The following ZNF106 variants were observed in gnomAD, a reference collection of about 807,000 sequenced individuals.
ZNF106 encodes zinc finger protein 106, also known as SH3-domain binding protein 3.
A neutral mutation model predicts 195.1 loss-of-function variants in ZNF106; 67 were observed. The ratio of observed to expected loss-of-function variants is 0.34; its 90% CI spans 0.28 to 0.42. ZNF106 has a LOEUF of 0.42. ZNF106 is among the 10% of genes least tolerant of loss of function. The pLI is 1.00. For missense variants in ZNF106, 2,118 were observed against 2,304.5 expected (o/e 0.92, Z 1.66); for synonymous variants, 784 against 818.6 (o/e 0.96, Z 0.72).
At position 42,439,113 on chromosome 15, in the gene ZNF106, T is replaced by C; in HGVS notation, c.4464A>G (p.Leu1488=). 1.2e-6 allele frequency: 2 copies of C among 1,614,200 alleles called. No individual in the cohort carries two copies. Among genetic ancestry groups the C allele is most frequent in the Non-Finnish European group, 1.7e-6 (2 of 1,180,032 alleles). ...DIWNSTEQNP[L]ETSRSGCDEV... ...CATCACACCCAGAACGAGACGTTTC[T>C]AGTGGGTTTTGCTCTGTAGAGTTCC... Residue 1488 remains leucine, a synonymous_variant, in exon 11 of 22, where the codon CTA becomes CTG. Transcript: ENST00000564754.
At chr15:42,421,037 G>A in intron 20 of ZNF106, 24 bp downstream of exon 20, 1 of 1,611,010 alleles carries the variant, frequency 6.2e-7, no homozygotes, top group Non-Finnish European at 8.5e-7. Context: ...GAAGTCCAGT[G>A]ACAGGAAGAG....
chr15:42,463,399 A>G (rs992366802), intron 3 of ZNF106, among the ~76,000 whole-genome samples: 3 of 152,176 alleles, frequency 2.0e-5, no homozygotes, highest in African/African-American at 7.2e-5. Context: ...TCAAGGTATT[A>G]TGATAAGGGC....
intron 3 of ZNF106, among the ~76,000 whole-genome samples, chr15:42,461,584 G>A (rs1439084978): frequency 6.6e-6 from 1 of 152,194 alleles, no homozygotes; most frequent in East Asian, 1.9e-4. Flanking sequence ...CACATCTGAA[G>A]AAGTATATTA....
Position 42,448,055 on chromosome 15 carries a change from G to A in ZNF106, c.3135+17C>T, listed in dbSNP as rs1420853790. The A allele has an allele frequency of 6.3e-7, 1 of 1,579,082 alleles. No homozygotes were observed. The highest frequency in any genetic ancestry group is 1.4e-5 in the African/African-American group (1 of 73,568). On this transcript the variant is annotated intron_variant, in intron 6 of 21. Transcript: ENST00000564754. Reference sequence around the variant, plus strand: ...CACATGCGATGTTCTACAAAAAGCAGAGGGAATTATACTCACTCCAGTGGC... The same window carrying A: ...CACATGCGATGTTCTACAAAAAGCAAAGGGAATTATACTCACTCCAGTGGC...
Position 42,421,057 on chromosome 15 carries a change from T to C in ZNF106, c.5517+4A>G. The C allele has an allele frequency of 6.2e-7, 1 of 1,614,058 alleles. No homozygotes were observed. The highest frequency in any genetic ancestry group is 8.5e-7 in the Non-Finnish European group (1 of 1,179,938). ...CCAGTGACAGGAAGAGTTTCACTCCTTACCCAACAGCGGTAATTCTGCATC... is the reference window on the plus strand; with the variant it reads ...CCAGTGACAGGAAGAGTTTCACTCCCTACCCAACAGCGGTAATTCTGCATC... On this transcript the variant is annotated splice_donor_region_variant and intron_variant, in intron 20 of 21. Coordinates refer to ENST00000564754, the MANE Select transcript of ZNF106 (RefSeq NM_001366845.3).
chr15:42,429,852 T>C (rs1006984077), intron 14 of ZNF106, among the ~76,000 whole-genome samples: 27 of 152,120 alleles, frequency 1.8e-4, no homozygotes, highest in African/African-American at 6.3e-4. Flanking sequence ...TTTTCAAACA[T>C]TATGGTGAGC....
chr15:42,458,937 AT>A (rs1054886320), intron 3 of ZNF106, among the ~76,000 whole-genome samples: 1 of 151,982 alleles, frequency 6.6e-6, no homozygotes, highest in African/African-American at 2.4e-5. Flanking sequence ...ACTGTTCCTT[AT>A]TTTGTAAGGA....
rs2141362482 is a variant in ZNF106, at chr15:42,451,781, T to C, written c.491A>G (p.Asn164Ser). 1 of 1,614,198 alleles carries C rather than the reference T, an allele frequency of 6.2e-7. No individual in the cohort carries two copies. Among genetic ancestry groups the C allele is most frequent in the East Asian group, 2.2e-5 (1 of 44,886 alleles). Residue 164 changes from asparagine to serine, a missense_variant, in exon 5 of 22, where the codon AAT becomes AGT. Asn to Ser is a conservative substitution (Grantham distance 46). Transcript: ENST00000564754. ...DWKWEKDGFN[N>S]TRKNSFPHSL... The stretch of plus-strand genomic sequence containing the variant: ...ATGTGGAAAGCTGTTTTTCCTAGTA[T>C]TATTAAAGCCATCTTTTTCCCATTT...
In ZNF106 at chr15:42,436,843, T is replaced by C. The variant is rs148692763; in HGVS notation, c.4746+389A>G. 9.2e-3 allele frequency among the ~76,000 whole-genome samples: 1,407 copies of C among 152,278 alleles called. 28 individuals are homozygous for C. Among genetic ancestry groups the C allele is most frequent in the African/African-American group, 0.032 (1,343 of 41,544 alleles). ...AGTGACCCCATTACCAACTCCAGCA[T>C]TGGGACCTGAACAGTCCAAGACCAC... On this transcript the variant is annotated intron_variant, in intron 13 of 21. Coordinates refer to ENST00000564754, the MANE Select transcript of ZNF106 (RefSeq NM_001366845.3).
intron 4 of ZNF106, among the ~76,000 whole-genome samples, chr15:42,456,513 A>G (rs2056231947): frequency 6.6e-6 from 1 of 152,066 alleles, no homozygotes; most frequent in African/African-American, 2.4e-5. Flanking sequence ...TTAGCCAGGC[A>G]TGGTGGCAGG....
chr15:42,444,881 T>C lies in ZNF106; in HGVS notation c.3306A>G (p.Ala1102=), dbSNP rs761661873. Residue 1102 remains alanine, a synonymous_variant, in exon 8 of 22, where the codon GCA becomes GCG. Coordinates refer to ENST00000564754, the MANE Select transcript of ZNF106 (RefSeq NM_001366845.3). ...CTTCCACATAAGCTGTCTGAAGGGCTGCACGGGCTTGCAGAAGATTGTTAT... is the reference window on the plus strand; with the variant it reads ...CTTCCACATAAGCTGTCTGAAGGGCCGCACGGGCTTGCAGAAGATTGTTAT... The part of the protein sequence containing the change: ...CMDNNLLQAR[A]ALQTAYVEVQ... 2 of 1,614,226 alleles carry C rather than the reference T, an allele frequency of 1.2e-6. No homozygotes were observed. Among genetic ancestry groups the C allele is most frequent in the Non-Finnish European group, 1.7e-6 (2 of 1,180,034 alleles).
rs1295177957 is a variant in ZNF106 at position 42,439,731 on chromosome 15, C to T, written c.3846G>A (p.Glu1282=). The T allele has an allele frequency of 1.9e-6, 3 of 1,612,334 alleles. No homozygotes were observed. The highest frequency in any genetic ancestry group is 2.2e-5 in the South Asian group (2 of 90,730). ...SLPESTESFH[E]PSQELKFSVE... is the part of the protein sequence containing the mutation. ...CAGAAAACTTCAGTTCTTGGCTAGG[C>T]TCATGGAAACTTTCTGTTGACTCTG... The change falls in exon 11 of 22, where the codon GAG becomes GAA. Residue 1282 remains glutamate, a synonymous_variant. Coordinates refer to ENST00000564754, the MANE Select transcript of ZNF106 (RefSeq NM_001366845.3).
chr15:42,421,818 A>G (rs1242209392), intron 19 of ZNF106, 99 bp downstream of exon 19: 4 of 913,464 alleles, frequency 4.4e-6, no homozygotes, highest in Non-Finnish European at 6.5e-6. Context: ...GTACTTAACA[A>G]TGAGGCATAT....
intron 1 of ZNF106, among the ~76,000 whole-genome samples, chr15:42,486,474 T>C (rs2141465908): frequency 6.6e-6 from 1 of 152,164 alleles, no homozygotes; most frequent in South Asian, 2.1e-4. Context: ...AAGCCCAGGC[T>C]GATCTTGAAC....
intron 21 of ZNF106, 49 bp from the exon 22 acceptor site, chr15:42,417,409 C>G (rs748384489): frequency 1.9e-6 from 3 of 1,609,198 alleles, no homozygotes; most frequent in African/African-American, 2.7e-5. Context: ...GATAGTAAGA[C>G]AGGAGAAAGT....
chr15:42,418,520 C>T (rs2054536735), intron 20 of ZNF106, among the ~76,000 whole-genome samples: 1 of 143,352 alleles, frequency 7.0e-6, no homozygotes, highest in South Asian at 2.2e-4. Context: ...CGTGCACCAC[C>T]ACGGCCAGTT....
chr15:42,456,891 G>T lies in ZNF106; in HGVS notation c.317+67C>A, dbSNP rs559771942. On this transcript the variant is annotated intron_variant, in intron 4 of 21. Coordinates refer to ENST00000564754, the MANE Select transcript of ZNF106 (RefSeq NM_001366845.3). ...AATGCCATGGGCTGACCAGTACAAAGATATAAAATATATTCTCTGCTGTGT... is the reference window on the plus strand; with the variant it reads ...AATGCCATGGGCTGACCAGTACAAATATATAAAATATATTCTCTGCTGTGT... 1.9e-5 allele frequency: 27 copies of T among 1,440,500 alleles called. No homozygotes were observed. In the East Asian group the frequency reaches 5.7e-4, roughly 30 times the overall value. The allele number at this position is 1,440,500 out of a possible 1,614,324, so 89.2% of individuals were successfully genotyped here.
Position 42,450,099 on chromosome 15 carries a change from C to G in ZNF106, c.2173G>C (p.Glu725Gln), listed in dbSNP as rs761819434. 1.2e-6 allele frequency: 2 copies of G among 1,614,166 alleles called. No homozygotes were observed. Among genetic ancestry groups the G allele is most frequent in the Non-Finnish European group, 1.7e-6 (2 of 1,180,030 alleles). Reference sequence around the variant, plus strand: ...TGACTGATGTCACTTTTTTGAAGCTCTGCATCCAAGCTAGCACTCTCAAAG... The same window carrying G: ...TGACTGATGTCACTTTTTTGAAGCTGTGCATCCAAGCTAGCACTCTCAAAG... ...EGFESASLDAELQKSDISQPS... is the reference protein window; with the variant it reads ...EGFESASLDAQLQKSDISQPS... Residue 725 changes from glutamate (E) to glutamine (Q), a missense_variant, in exon 5 of 22, where the codon GAG becomes CAG. Coordinates refer to ENST00000564754, the MANE Select transcript of ZNF106 (RefSeq NM_001366845.3).
chr15:42,477,398 T>C (rs1382520520), intron 1 of ZNF106, among the ~76,000 whole-genome samples: 2 of 152,228 alleles, frequency 1.3e-5, no homozygotes, highest in Admixed American at 6.5e-5. Flanking sequence ...TTTAGATTTA[T>C]AGAAAAGTGG....
Sources: allele counts gnomAD v4.1 joint callset (sites outside exome capture counted in the v4.1 genomes callset), GRCh38; gene constraint gnomAD v4.1.1; transcripts MANE v1.5; gene names NCBI Gene and HGNC (gene_info 2026-07-23, HGNC 2026-07-21).